Variants in SLBP observed in about 807,000 individuals in gnomAD.
The protein encoded by SLBP is histone RNA hairpin-binding protein.
A neutral mutation model predicts 39.2 loss-of-function variants in SLBP; 29 were observed. The ratio of observed to expected loss-of-function variants is 0.74; its 90% CI spans 0.55 to 1.01. SLBP has a LOEUF of 1.01. Ranked by LOEUF, SLBP falls within the 50% of genes least tolerant of loss-of-function variation. SLBP has a pLI of 0.00. For synonymous variants in SLBP, 129 were observed against 118.7 expected (o/e 1.09, Z -0.57); for missense variants, 390 against 350.2 (o/e 1.11, Z -0.91).
At chr4:1,709,872 C>T (rs1031155613) in intron 2 of SLBP, among the ~76,000 whole-genome samples, 2 of 152,068 alleles carry the variant, frequency 1.3e-5, no homozygotes, top group Admixed American at 6.6e-5. Flanking sequence ...TTTGCCAAGG[C>T]GCTGGGATTA....
intron 2 of SLBP, among the ~76,000 whole-genome samples, chr4:1,705,710 CGT>C (rs1185452514): frequency 2.6e-5 from 4 of 152,188 alleles, no homozygotes; most frequent in Non-Finnish European, 5.9e-5. Context: ...GGTCCTGTAA[CGT>C]GTATGAATGT....
chr4:1,697,158 TAAAAAAAA>T (rs59715153), intron 5 of SLBP, among the ~76,000 whole-genome samples: 2 of 32,782 alleles, frequency 6.1e-5, no homozygotes, highest in East Asian at 7.6e-4. Flanking sequence ...GACTCCACCT[TAAAAAAAA>T]AAAAAAAAAA....
intron 4 of SLBP, 127 bp from the exon 5 acceptor site, chr4:1,699,828 T>G: frequency 3.1e-6 from 3 of 958,362 alleles, no homozygotes; most frequent in South Asian, 3.1e-5. Flanking sequence ...ATATGAATCC[T>G]AAATAGTCCG....
chr4:1,703,563 G>A (rs1716408977), intron 3 of SLBP, 33 bp downstream of exon 3: 2 of 1,326,120 alleles, frequency 1.5e-6, no homozygotes, highest in African/African-American at 2.9e-5. Flanking sequence ...AAACGCCACA[G>A]ATTAACACTT....
chr4:1,701,507 T>C (rs535832733), intron 3 of SLBP, among the ~76,000 whole-genome samples: 2 of 152,340 alleles, frequency 1.3e-5, no homozygotes, highest in East Asian at 1.9e-4. Context: ...CCTTAAAGCA[T>C]AGTAAGCTGA....
At position 1,694,937 on chromosome 4, in the gene SLBP, A is replaced by G; in HGVS notation, c.630-97T>C. On this transcript the variant is annotated intron_variant, in intron 6 of 7. Coordinates refer to ENST00000489418, the MANE Select transcript of SLBP (RefSeq NM_006527.4). ...AACCCCATCCATATGGTACAGCCAC[A>G]ACACTGACAGTGTGCCCGAGGCTCC... The G allele has an allele frequency of 3.6e-6, 3 of 827,640 alleles. No individual in the cohort carries two copies. The South Asian group carries it at 4.0e-5, about 11-fold the overall frequency. 51.3% of individuals were successfully genotyped at this position (827,640 alleles called of 1,614,324 possible).
In SLBP at chr4:1,693,723, A is replaced by G. The variant is rs1026507033; in HGVS notation, c.697-10T>C. On this transcript the variant is annotated splice_polypyrimidine_tract_variant and intron_variant, in intron 7 of 7. Coordinates refer to ENST00000489418, the MANE Select transcript of SLBP (RefSeq NM_006527.4). ...TGCCAGAGTACACATCCTGGAAAAC[A>G]GAAGCATGGCTCGGTTGACATTCAT... 3 of 1,560,380 alleles carry G rather than the reference A, an allele frequency of 1.9e-6. No individual in the cohort carries two copies. Among genetic ancestry groups the G allele is most frequent in the Non-Finnish European group, 2.7e-6 (3 of 1,131,304 alleles).
At chr4:1,693,940 G>C (rs1175655137) in intron 7 of SLBP, among the ~76,000 whole-genome samples, 1 of 152,166 alleles carries the variant, frequency 6.6e-6, no homozygotes, top group Non-Finnish European at 1.5e-5. Context: ...ATTGTGCTGG[G>C]ATTACAGGAA....
intron 5 of SLBP, among the ~76,000 whole-genome samples, chr4:1,698,317 G>A (rs1716196399): frequency 6.6e-6 from 1 of 150,868 alleles, no homozygotes; most frequent in Non-Finnish European, 1.5e-5. Flanking sequence ...CTGGGCAACA[G>A]AGCAAGATTC....
At chr4:1,696,499 T>G in intron 5 of SLBP, 148 bp from the exon 6 acceptor site, 1 of 636,174 alleles carries the variant, frequency 1.6e-6, no homozygotes, top group Non-Finnish European at 2.4e-6. Flanking sequence ...TCCTAGCATT[T>G]TGGGAGGTCA....
chr4:1,704,988 C>G (rs1250981079), intron 2 of SLBP, among the ~76,000 whole-genome samples: 7 of 151,824 alleles, frequency 4.6e-5, no homozygotes, highest in Non-Finnish European at 5.9e-5. Context: ...AGTGCAATGG[C>G]ATGATCTCAG....
At position 1,693,544 on chromosome 4, in the gene SLBP, C is replaced by A. The variant is rs1715994907; in HGVS notation, c.*53G>T. ...ACACACATGCTTGGTGCCTGGCCAG[C>A]CTTCCACCTAGTCGGGGAGGAGCTG... On this transcript the variant is annotated 3_prime_UTR_variant, in exon 8 of 8. Transcript: ENST00000489418. 5 of 1,074,864 alleles carry A rather than the reference C, an allele frequency of 4.7e-6. No individual in the cohort carries two copies. The South Asian group carries it at 6.3e-5, about 14-fold the overall frequency. The allele number at this position is 1,074,864 out of a possible 1,614,324, so 66.6% of individuals were successfully genotyped here.
chr4:1,708,926 G>C (rs1005307019), intron 2 of SLBP, among the ~76,000 whole-genome samples: 1 of 152,214 alleles, frequency 6.6e-6, no homozygotes, highest in Non-Finnish European at 1.5e-5. Flanking sequence ...CTAAAGCACT[G>C]TAAGGATTTA....
In SLBP at chr4:1,694,780, A is replaced by G; in HGVS notation, c.690T>C (p.Asp230=). The G allele has an allele frequency of 6.2e-7, 1 of 1,611,946 alleles. No individual in the cohort carries two copies. The highest frequency in any genetic ancestry group is 1.1e-5 in the South Asian group (1 of 91,048). The change falls in exon 7 of 8, where the codon GAT becomes GAC. Residue 230 remains aspartate (D), a synonymous_variant. Transcript: ENST00000489418. The part of the protein sequence containing the change: ...SSSEPQTSSQ[D]DFDVYSGTPT... ...ACTTATCCAAAGTACTTACAAAGTC[A>G]TCCTGAGAGCTGGTCTGGGGCTCGG... is the stretch of plus-strand genomic sequence containing the variant.
Position 1,693,009 on chromosome 4 carries a change from A to T in SLBP, c.*588T>A, listed in dbSNP as rs867545507. ...GCTGCCCTAACTCTTGGAGTATTCT[A>T]AAGAGTCTAACTAGTGCTATTTACA... On this transcript the variant is annotated 3_prime_UTR_variant, in exon 8 of 8. Transcript: ENST00000489418. 6.5e-6 allele frequency: 1 copy of T among 153,040 alleles called. No individual in the cohort carries two copies. The allele number at this position is 153,040 out of a possible 1,614,324, so 9.5% of individuals were successfully genotyped here.
Position 1,711,858 on chromosome 4 carries a change from C to T in SLBP, c.176+16G>A. ...AAGGGCCCCACCGCGCCCCGACCCC[C>T]GGGTCCCGCGCCCACCTCTCGGGTC... On this transcript the variant is annotated intron_variant, in intron 2 of 7. Coordinates refer to ENST00000489418, the MANE Select transcript of SLBP (RefSeq NM_006527.4). The T allele has an allele frequency of 1.6e-6, 2 of 1,281,088 alleles. No individual in the cohort carries two copies. Among genetic ancestry groups the T allele is most frequent in the Non-Finnish European group, 2.0e-6 (2 of 1,005,846 alleles). The allele number at this position is 1,281,088 out of a possible 1,614,324, so 79.4% of individuals were successfully genotyped here.
intron 3 of SLBP, 73 bp downstream of exon 3, chr4:1,703,523 A>G (rs1343293525): frequency 1.0e-6 from 1 of 971,354 alleles, no homozygotes; most frequent in Non-Finnish European, 1.7e-6. Context: ...CACTGTTCTA[A>G]GACAAATATC....
chr4:1,694,954 C>A, intron 6 of SLBP, 114 bp from the exon 7 acceptor site: 3 of 753,156 alleles, frequency 4.0e-6, no homozygotes, highest in East Asian at 2.5e-5. Flanking sequence ...ACAGTGTGCC[C>A]GAGGCTCCCT....
intron 2 of SLBP, among the ~76,000 whole-genome samples, chr4:1,705,572 G>A (rs1337205685): frequency 5.3e-5 from 8 of 152,144 alleles, no homozygotes; most frequent in Non-Finnish European, 1.5e-5. Context: ...GAATTATAAA[G>A]CAGGTACAGC....
Sources: allele counts gnomAD v4.1 joint callset (sites outside exome capture counted in the v4.1 genomes callset), GRCh38; gene constraint gnomAD v4.1.1; transcripts MANE v1.5; gene names NCBI Gene and HGNC (gene_info 2026-07-23, HGNC 2026-07-21).